ZAN: variants seen among roughly 807,000 people sequenced by gnomAD.
ZAN encodes the protein zonadhesin (gene/pseudogene).
ZAN carries 260 observed loss-of-function variants against 286.2 expected under a neutral mutation model. That is an observed-to-expected ratio of 0.91 (90% CI 0.82 to 1.01). The LOEUF (loss-of-function observed/expected upper bound fraction) is 1.01. ZAN is among the 50% of genes least tolerant of loss of function. The pLI is 0.00. For synonymous variants in ZAN, 1,368 were observed against 1,417.5 expected, an observed-to-expected ratio of 0.97 and a Z score of 0.79; for missense variants, 3,410 against 3,639.2, an observed-to-expected ratio of 0.94 and a Z score of 1.62.
intron 35 of ZAN, 25 bp from the exon 36 acceptor site, chr7:100,784,598 G>C: frequency 6.2e-7 from 1 of 1,611,430 alleles, no homozygotes; most frequent in Non-Finnish European, 8.5e-7. Context: ...CCTCTCCACT[G>C]ACCCACTGTC....
chr7:100,748,255 C>G (rs765697830), intron 10 of ZAN, 40 bp downstream of exon 10: 2 of 1,613,726 alleles, frequency 1.2e-6, no homozygotes, highest in Non-Finnish European at 1.7e-6. Flanking sequence ...TCTCAGAATC[C>G]GGGGTGGGCT....
chr7:100,773,442 C>T lies in ZAN; in HGVS notation c.5583C>T (p.Cys1861=), dbSNP rs374032570. ...GCCACATCTTGAGTGGAACCTCCTG[C>T]GTGCCCCTTGGCCAGTGTGGCTGCA... ...QKGHILSGTS[C]VPLGQCGCTD... Residue 1861 remains cysteine, a synonymous_variant, in exon 30 of 48, where the codon TGC becomes TGT. Transcript: ENST00000613979. 2.0e-5 allele frequency: 32 copies of T among 1,613,850 alleles called. No homozygotes were observed. The highest frequency in any genetic ancestry group is 5.0e-5 in the Admixed American group (3 of 59,988).
At chr7:100,739,007 CTTCTTT>C (rs1185144382) in intron 7 of ZAN, among the ~76,000 whole-genome samples, 5 of 76,754 alleles carry the variant, frequency 6.5e-5, no homozygotes, top group South Asian at 3.9e-4. Flanking sequence ...CCTTCTCCTT[CTTCTTT>C]TTCTTTTTTT....
chr7:100,745,588 A>G (rs1467459555), intron 7 of ZAN, among the ~76,000 whole-genome samples: 1 of 151,874 alleles, frequency 6.6e-6, no homozygotes, highest in Non-Finnish European at 1.5e-5. Flanking sequence ...CCAGCGGGTA[A>G]AGAAAAGGAA....
intron 19 of ZAN, among the ~76,000 whole-genome samples, chr7:100,761,331 A>G (rs921393879): frequency 2.6e-5 from 4 of 151,780 alleles, no homozygotes; most frequent in African/African-American, 9.7e-5. Flanking sequence ...TAGTGAGACC[A>G]TATCTCCACA....
At chr7:100,770,917 C>T (rs1346111897) in intron 28 of ZAN, among the ~76,000 whole-genome samples, 1 of 152,170 alleles carries the variant, frequency 6.6e-6, no homozygotes, top group East Asian at 1.9e-4. Context: ...TATTTTCCCA[C>T]CTCAGCTTCC....
chr7:100,788,112 G>C lies in ZAN; in HGVS notation c.7203G>C (p.Gln2401His), dbSNP rs752714679. The C allele has an allele frequency of 2.6e-6, 4 of 1,530,476 alleles. No individual in the cohort carries two copies. Among genetic ancestry groups the C allele is most frequent in the Admixed American group, 1.8e-5 (1 of 54,246 alleles). 94.8% of individuals were successfully genotyped at this position (1,530,476 alleles called of 1,614,324 possible). Residue 2401 changes from glutamine to histidine, a missense_variant, in exon 38 of 48, where the codon CAG (glutamine) becomes CAC (histidine). Coordinates refer to ENST00000613979, the MANE Select transcript of ZAN (RefSeq NM_003386.3). ...VITTVYGYKVQLQAGLELVVN... is the reference protein window; with the variant it reads ...VITTVYGYKVHLQAGLELVVN... ...CCACCGTCTACGGCTATAAAGTGCA[G>C]CTCCAAGCTGGTCTGGAGCTTGTGG...
At chr7:100,764,958 C>A (rs554041131) in intron 22 of ZAN, among the ~76,000 whole-genome samples, 1 of 152,128 alleles carries the variant, frequency 6.6e-6, no homozygotes, top group Non-Finnish European at 1.5e-5. Flanking sequence ...GGGGAGGCAA[C>A]GAGGCTGCCT....
chr7:100,781,288 G>A (rs1047224139), intron 35 of ZAN, among the ~76,000 whole-genome samples: 7 of 152,098 alleles, frequency 4.6e-5, no homozygotes, highest in Non-Finnish European at 8.8e-5. Context: ...GGTTGGTCTC[G>A]ATCTCTTGAC....
chr7:100,755,764 G>T (rs909235200), intron 15 of ZAN, among the ~76,000 whole-genome samples: 1 of 152,034 alleles, frequency 6.6e-6, no homozygotes, highest in Non-Finnish European at 1.5e-5. Flanking sequence ...TAGAGACAGG[G>T]TTTCACCACG....
At chr7:100,767,762 G>GC (rs1299023548) in intron 25 of ZAN, 69 bp from the exon 26 acceptor site, 40 of 1,518,620 alleles carry the variant, frequency 2.6e-5, no homozygotes, top group Middle Eastern at 1.8e-4. Flanking sequence ...GCAGGCATGA[G>GC]CCCCCGTCCT....
At position 100,758,656 on chromosome 7, in the gene ZAN, C is replaced by T; in HGVS notation, c.3571+6C>T. On this transcript the variant is annotated splice_donor_region_variant and intron_variant, in intron 17 of 47. Coordinates refer to ENST00000613979, the MANE Select transcript of ZAN (RefSeq NM_003386.3). ...GCCCTGTGGCAACTCAACAGGTAGGCCCTGGAGATGCCACTGCGGCCTGGG... is the reference window on the plus strand; with the variant it reads ...GCCCTGTGGCAACTCAACAGGTAGGTCCTGGAGATGCCACTGCGGCCTGGG... 1 of 1,551,888 alleles carries T rather than the reference C, an allele frequency of 6.4e-7. No homozygotes were observed. Among genetic ancestry groups the T allele is most frequent in the Non-Finnish European group, 8.7e-7 (1 of 1,147,478 alleles).
rs1196942210 is a variant in ZAN at position 100,755,404 on chromosome 7, C to T, written c.3303C>T (p.Tyr1101=). Residue 1101 remains tyrosine, a synonymous_variant, in exon 15 of 48, where the codon TAC becomes TAT. Transcript: ENST00000613979. ...SSCNCFYNND[Y]YEPGAEWFSP... ...GCAATTGCTTCTACAACAACGACTACTATGAGGTAAGCCCCCCGGGATGCT... is the reference window on the plus strand; with the variant it reads ...GCAATTGCTTCTACAACAACGACTATTATGAGGTAAGCCCCCCGGGATGCT... The T allele has an allele frequency of 3.7e-6, 6 of 1,613,162 alleles. No individual in the cohort carries two copies. Among genetic ancestry groups the T allele is most frequent in the South Asian group, 1.1e-5 (1 of 91,018 alleles).
chr7:100,786,809 T>C (rs746013289), intron 37 of ZAN, among the ~76,000 whole-genome samples: 8 of 152,138 alleles, frequency 5.3e-5, no homozygotes, highest in Non-Finnish European at 7.4e-5. Flanking sequence ...TCCCAGTACT[T>C]GGGAGGCAGA....
intron 9 of ZAN, 54 bp downstream of exon 9, chr7:100,747,695 G>T: frequency 6.6e-7 from 1 of 1,522,814 alleles, no homozygotes; most frequent in South Asian, 1.1e-5. Flanking sequence ...ACCCAATGTT[G>T]AAATAAATTG....
chr7:100,795,320 A>T lies in ZAN; in HGVS notation c.8250A>T (p.Pro2750=). The part of the protein sequence containing the change: ...GGLCMEPRDA[P]PPRKPASNLV... ...TGTGTATGGAGCCTCGAGATGCGCC[A>T]CCTCCCAGAAAGCCAGGTGAGGGCA... is the stretch of plus-strand genomic sequence containing the variant. Residue 2750 remains proline (P), a synonymous_variant, in exon 45 of 48, where the codon CCA becomes CCT. Coordinates refer to ENST00000613979, the MANE Select transcript of ZAN (RefSeq NM_003386.3). 1 of 1,588,506 alleles carries T rather than the reference A, an allele frequency of 6.3e-7. No individual in the cohort carries two copies.
rs755433598 is a variant in ZAN, at chr7:100,773,478, G to A, written c.5619G>A (p.Ala1873=). 37 of 1,613,542 alleles carry A rather than the reference G, an allele frequency of 2.3e-5. No homozygotes were observed. The highest frequency in any genetic ancestry group is 1.2e-4 in the South Asian group (11 of 91,072). ...PLGQCGCTDP[A]GSYHPVGERW... is the part of the protein sequence containing the mutation. ...GCCAGTGTGGCTGCACTGACCCAGC[G>A]GGCTCCTACCACCCGGTGAGAGGCC... The change falls in exon 30 of 48, where the codon GCG becomes GCA. Residue 1873 remains alanine, a synonymous_variant. Coordinates refer to ENST00000613979, the MANE Select transcript of ZAN (RefSeq NM_003386.3).
intron 31 of ZAN, 150 bp downstream of exon 31, chr7:100,774,015 C>T (rs1384683303): frequency 8.2e-6 from 10 of 1,219,442 alleles, no homozygotes; most frequent in Non-Finnish European, 1.1e-5. Context: ...GTAAGATGAC[C>T]TCCAACTGCT....
intron 22 of ZAN, among the ~76,000 whole-genome samples, chr7:100,764,654 A>G (rs1027277930): frequency 2.0e-5 from 3 of 151,642 alleles, no homozygotes; most frequent in African/African-American, 7.3e-5. Flanking sequence ...GCACCACTGC[A>G]CTCCAGCCTG....
Sources: gnomAD v4.1 joint callset for allele counts (sites outside exome capture counted in the v4.1 genomes callset) on GRCh38, gnomAD v4.1.1 for gene constraint, MANE v1.5 for transcripts, NCBI Gene and HGNC (gene_info 2026-07-23, HGNC 2026-07-21) for gene names.